DNAH11: variants seen among roughly 807,000 people sequenced by gnomAD.
DNAH11 encodes axonemal beta dynein heavy chain 11.
In DNAH11, 442 loss-of-function variants were observed where a neutral mutation model predicts 526.0. The ratio of observed to expected loss-of-function variants is 0.84; its 90% CI spans 0.78 to 0.91. DNAH11 has a LOEUF of 0.91. Ranked by LOEUF, DNAH11 falls within the 40% of genes least tolerant of loss-of-function variation. DNAH11 has a pLI of 0.00. For synonymous variants in DNAH11, 2,461 were observed against 1,935.9 expected (o/e 1.27, Z -7.12); for missense variants, 6,989 against 5,448.7 (o/e 1.28, Z -8.90).
chr7:21,846,161 C>T (rs1782409348), intron 66 of DNAH11, among the ~76,000 whole-genome samples: 3 of 152,172 alleles, frequency 2.0e-5, no homozygotes, highest in African/African-American at 7.2e-5. Context: ...CATAGATTAT[C>T]ATGTCATGCG....
In DNAH11 at chr7:21,676,092, G is replaced by A. The variant is rs189512743; in HGVS notation, c.5329-5454G>A. ...TGGTTAGTGAAGTGAGATAGGAAAG[G>A]AGTGGTGTGAGGTCATGGAAGACTT... On this transcript the variant is annotated intron_variant, in intron 30 of 81. Transcript: ENST00000409508. Among the ~76,000 whole-genome samples the A allele has an allele frequency of 1.7e-4, 26 of 152,282 alleles. No homozygotes were observed. In the East Asian group the frequency reaches 4.1e-3, roughly 24 times the overall value.
In DNAH11 at chr7:21,655,995, A is replaced by T; in HGVS notation, c.5094+14A>T. 1 of 1,579,456 alleles carries T rather than the reference A, an allele frequency of 6.3e-7. No homozygotes were observed. The highest frequency in any genetic ancestry group is 1.2e-5 in the South Asian group (1 of 85,116). ...TGTGTGGGCCATGTAAGATTTGATTATGAGGTTTTCTATGCTAGGGGAGTA... is the reference window on the plus strand; with the variant it reads ...TGTGTGGGCCATGTAAGATTTGATTTTGAGGTTTTCTATGCTAGGGGAGTA... On this transcript the variant is annotated intron_variant, in intron 29 of 81. Transcript: ENST00000409508.
chr7:21,545,104 G>C lies in DNAH11; in HGVS notation c.450G>C (p.Glu150Asp). 4.3e-6 allele frequency: 7 copies of C among 1,610,588 alleles called. No individual in the cohort carries two copies. Among genetic ancestry groups the C allele is most frequent in the Non-Finnish European group, 5.1e-6 (6 of 1,178,230 alleles). ...TTTCTCAAGTGGTTTTATTTGGAGA[G>C]TTACCTGCGTTGTCTCTTGGACATG... ...NDFSQVVLFG[E>D]LPALSLGHVS... Residue 150 changes from glutamate (E) to aspartate (D), a missense_variant, in exon 2 of 82, where the codon GAG becomes GAC. Transcript: ENST00000409508.
chr7:21,842,107 A>G (rs1782224473), intron 65 of DNAH11, among the ~76,000 whole-genome samples: 1 of 152,214 alleles, frequency 6.6e-6, no homozygotes, highest in Non-Finnish European at 1.5e-5. Flanking sequence ...TTTTGTGACC[A>G]GGAACATGCC....
At chr7:21,647,847 C>A (rs1787433206) in intron 28 of DNAH11, among the ~76,000 whole-genome samples, 1 of 152,036 alleles carries the variant, frequency 6.6e-6, no homozygotes, top group African/African-American at 2.4e-5. Flanking sequence ...GATGTTTTAA[C>A]ACATTCAAAA....
At position 21,635,914 on chromosome 7, in the gene DNAH11, T is replaced by G. The variant is rs1414350807; in HGVS notation, c.4544T>G (p.Phe1515Cys). The G allele has an allele frequency of 1.9e-6, 3 of 1,613,208 alleles. No homozygotes were observed. The Admixed American group carries it at 5.0e-5, about 27-fold the overall frequency. ...CTTCAAAGCAAGTATGTAGAATATT[T>G]CATTGAGCAAGTGTTAAGCTGGCAA... ...TLLQSKYVEY[F>C]IEQVLSWQNK... Residue 1515 changes from phenylalanine (F) to cysteine (C), a missense_variant, in exon 26 of 82, where the codon TTC (phenylalanine) becomes TGC (cysteine). Transcript: ENST00000409508.
chr7:21,600,902 C>T lies in DNAH11; in HGVS notation c.3227C>T (p.Pro1076Leu). The T allele has an allele frequency of 6.2e-7, 1 of 1,613,890 alleles. No homozygotes were observed. The highest frequency in any genetic ancestry group is 2.2e-5 in the East Asian group (1 of 44,882). The change falls in exon 16 of 82, where the codon CCA (proline) becomes CTA (leucine). Residue 1076 changes from proline (P) to leucine (L), a missense_variant. Transcript: ENST00000409508. The stretch of plus-strand genomic sequence containing the variant: ...GCAAATGAAGAAATTCCCGAACAAC[C>T]ACCAACTCTTGAGCAATTCAAAGAA... The part of the protein sequence containing the change: ...AHANEEIPEQ[P>L]PTLEQFKEQI...
Position 21,773,747 on chromosome 7 carries a change from G to C in DNAH11, c.9103-19G>C. ...AATTTGAGAGGATTTCACATGAACT[G>C]TAATGTTTGTGTTTTCAGCCAGTGC... On this transcript the variant is annotated intron_variant, in intron 55 of 81. Coordinates refer to ENST00000409508, the MANE Select transcript of DNAH11 (RefSeq NM_001277115.2). 1 of 1,445,794 alleles carries C rather than the reference G, an allele frequency of 6.9e-7. No homozygotes were observed. Among genetic ancestry groups the C allele is most frequent in the Non-Finnish European group, 9.3e-7 (1 of 1,078,278 alleles). The allele number at this position is 1,445,794 out of a possible 1,614,324, so 89.6% of individuals were successfully genotyped here.
At chr7:21,806,314 G>A (rs145550282) in intron 62 of DNAH11, among the ~76,000 whole-genome samples, 31 of 152,220 alleles carry the variant, frequency 2.0e-4, no homozygotes, top group Admixed American at 2.0e-3. Context: ...AAAGATAGAG[G>A]GTAGGTGAAT....
chr7:21,559,694 T>C lies in DNAH11; in HGVS notation c.784T>C (p.Ser262Pro), dbSNP rs759930423. ...AATCCAAGAAATTATAGAAAGAGATTCAGTGCAGCGTTTGTTGAATGGTCT... is the reference window on the plus strand; with the variant it reads ...AATCCAAGAAATTATAGAAAGAGATCCAGTGCAGCGTTTGTTGAATGGTCT... The part of the protein sequence containing the change: ...HQIQEIIERD[S>P]VQRLLNGLHL... Residue 262 changes from serine (S) to proline (P), a missense_variant, in exon 4 of 82, where the codon TCA (serine) becomes CCA (proline). Transcript: ENST00000409508. 3 of 1,611,138 alleles carry C rather than the reference T, an allele frequency of 1.9e-6. No individual in the cohort carries two copies. Among genetic ancestry groups the C allele is most frequent in the East Asian group, 2.2e-5 (1 of 44,792 alleles).
chr7:21,566,132 C>A (rs192253639), intron 6 of DNAH11, among the ~76,000 whole-genome samples: 52 of 152,212 alleles, frequency 3.4e-4, no homozygotes, highest in African/African-American at 1.1e-3. Flanking sequence ...TCCTTGTTAA[C>A]GTATGAATCA....
chr7:21,792,505 C>T (rs1036838071), intron 61 of DNAH11, among the ~76,000 whole-genome samples: 3 of 152,160 alleles, frequency 2.0e-5, no homozygotes, highest in African/African-American at 4.8e-5. Flanking sequence ...TAGATTTCAA[C>T]AGTAAAGCCA....
At chr7:21,611,551 G>A (rs1678697511) in intron 20 of DNAH11, among the ~76,000 whole-genome samples, 2 of 152,032 alleles carry the variant, frequency 1.3e-5, no homozygotes, top group South Asian at 2.1e-4. Flanking sequence ...AACATGAATC[G>A]ATAGATTCAG....
chr7:21,622,212 A>G (rs1786096024), intron 25 of DNAH11, among the ~76,000 whole-genome samples: 1 of 152,212 alleles, frequency 6.6e-6, no homozygotes, highest in Non-Finnish European at 1.5e-5. Flanking sequence ...GTGAACTCCC[A>G]TTCACAATTG....
chr7:21,785,439 T>C (rs1788130262), intron 58 of DNAH11, among the ~76,000 whole-genome samples: 1 of 152,238 alleles, frequency 6.6e-6, no homozygotes, highest in South Asian at 2.1e-4. Flanking sequence ...TGTTAAATGC[T>C]AATTAGCAAT....
At chr7:21,878,116 G>A (rs930935590) in intron 74 of DNAH11, among the ~76,000 whole-genome samples, 1 of 152,174 alleles carries the variant, frequency 6.6e-6, no homozygotes, top group African/African-American at 2.4e-5. Flanking sequence ...AATGGAGTCT[G>A]TATTTTTTAA....
At chr7:21,555,451 A>G (rs1473234934) in intron 2 of DNAH11, among the ~76,000 whole-genome samples, 1 of 152,132 alleles carries the variant, frequency 6.6e-6, no homozygotes, top group South Asian at 2.1e-4. Flanking sequence ...TTTGTGTCCA[A>G]GCTTTTCCCT....
At chr7:21,750,829 C>T (rs950743927) in intron 54 of DNAH11, among the ~76,000 whole-genome samples, 5 of 151,988 alleles carry the variant, frequency 3.3e-5, no homozygotes, top group Non-Finnish European at 5.9e-5. Flanking sequence ...GTCAACTGCA[C>T]GGTACGGATT....
At chr7:21,849,885 A>G (rs1293686219) in intron 66 of DNAH11, among the ~76,000 whole-genome samples, 5 of 151,276 alleles carry the variant, frequency 3.3e-5, no homozygotes, top group African/African-American at 7.3e-5. Context: ...TTTAGCTACC[A>G]TTATTTCCAA....
Sources: gnomAD v4.1 joint callset for allele counts (sites outside exome capture counted in the v4.1 genomes callset) on GRCh38, gnomAD v4.1.1 for gene constraint, MANE v1.5 for transcripts, NCBI Gene and HGNC (gene_info 2026-07-23, HGNC 2026-07-21) for gene names.